The following SPAG9 variants were observed in gnomAD, a reference collection of about 807,000 sequenced individuals.
The protein encoded by SPAG9 is C-Jun-amino-terminal kinase-interacting protein 4.
In SPAG9, 35 loss-of-function variants were observed where a neutral mutation model predicts 166.5. The observed-to-expected ratio is 0.21, with a 90% CI of 0.16 to 0.28. The LOEUF (loss-of-function observed/expected upper bound fraction) is 0.28. SPAG9 is among the 10% of genes least tolerant of loss of function. The probability of loss-of-function intolerance (pLI) is 1.00; values close to 1 mark genes in which losing one functional copy is unlikely to be tolerated. For synonymous variants in SPAG9, 534 were observed against 565.5 expected, an observed-to-expected ratio of 0.94 and a Z score of 0.79; for missense variants, 1,235 against 1,603.3, an observed-to-expected ratio of 0.77 and a Z score of 3.92.
Position 50,964,587 on chromosome 17 carries a change from CA to C in SPAG9, c.*1684del, listed in dbSNP as rs373004587. The C allele has an allele frequency of 0.044, 7,725 of 176,776 alleles. 7 individuals are homozygous for C. Among genetic ancestry groups the C allele is most frequent in the South Asian group, 0.11 (2,321 of 21,564 alleles). 11.0% of individuals were successfully genotyped at this position (176,776 alleles called of 1,614,324 possible). A position where few individuals can be genotyped will look rare whatever the true frequency, so the allele number is the denominator to read the frequency against. ...TGGGCAACAGAGCCAGACTCCGTCT[CA>C]AAAAAAAAAAAAAAAATCATATTTA... On this transcript the variant is annotated 3_prime_UTR_variant, in exon 30 of 30. Transcript: ENST00000262013.
rs1329928963 is a variant in SPAG9, at chr17:50,995,192, A to G, written c.2091T>C (p.Gly697=). ...CAGAACCACCATCTCTGGTCTTCCC[A>G]CCAGATAAATTGACTCCAACAGCAC... The part of the protein sequence containing the change: ...LWCAVGVNLS[G]GKTRDGGSVV... Residue 697 remains glycine, a synonymous_variant, in exon 18 of 30, where the codon GGT becomes GGC. Coordinates refer to ENST00000262013, the MANE Select transcript of SPAG9 (RefSeq NM_001130528.3). 2 of 1,614,008 alleles carry G rather than the reference A, an allele frequency of 1.2e-6. No individual in the cohort carries two copies. The highest frequency in any genetic ancestry group is 2.2e-5 in the East Asian group (1 of 44,900).
At chr17:50,981,385 T>C (rs1402114941) in intron 25 of SPAG9, among the ~76,000 whole-genome samples, 1 of 146,944 alleles carries the variant, frequency 6.8e-6, no homozygotes, top group Non-Finnish European at 1.5e-5. Flanking sequence ...ATATTCAACC[T>C]GTGTGTGGAT....
intron 6 of SPAG9, among the ~76,000 whole-genome samples, chr17:51,030,367 C>T (rs1303336898): frequency 6.6e-6 from 1 of 152,154 alleles, no homozygotes; most frequent in Non-Finnish European, 1.5e-5. Flanking sequence ...CTAAGTTTGT[C>T]TCTTAGATTT....
chr17:51,113,111 T>C lies in SPAG9; in HGVS notation c.303+7243A>G, dbSNP rs1189438195. On this transcript the variant is annotated intron_variant, in intron 1 of 29. Coordinates refer to ENST00000262013, the MANE Select transcript of SPAG9 (RefSeq NM_001130528.3). ...GCTCACACCCATAATCCCAGCACTT[T>C]GGGAGGCCGAGGCCGGCGGATCACC... Among the ~76,000 whole-genome samples, 4 of 151,974 alleles carry C rather than the reference T, an allele frequency of 2.6e-5. 1 individual carries two copies. The highest frequency in any genetic ancestry group is 2.6e-4 in the Admixed American group (4 of 15,248).
chr17:51,032,725 C>T (rs983211717), intron 5 of SPAG9, among the ~76,000 whole-genome samples: 7 of 151,918 alleles, frequency 4.6e-5, no homozygotes, highest in Admixed American at 2.6e-4. Context: ...CACCTGAGGT[C>T]GGGAGTCCAA....
At chr17:50,987,519 CAAA>C (rs201762375) in intron 21 of SPAG9, among the ~76,000 whole-genome samples, 2 of 119,672 alleles carry the variant, frequency 1.7e-5, no homozygotes, top group Non-Finnish European at 1.8e-5. Flanking sequence ...AACTTTTAGT[CAAA>C]AAAAAAAAAA....
intron 12 of SPAG9, among the ~76,000 whole-genome samples, chr17:51,003,387 C>G (rs2045048893): frequency 6.6e-6 from 1 of 152,182 alleles, no homozygotes; most frequent in Non-Finnish European, 1.5e-5. Context: ...AATTCATGCT[C>G]TGTAACAATC....
chr17:51,076,122 GA>G (rs1281961360), intron 2 of SPAG9, among the ~76,000 whole-genome samples: 2 of 151,438 alleles, frequency 1.3e-5, no homozygotes, highest in Admixed American at 1.3e-4. Flanking sequence ...AAAAGAAAAA[GA>G]AAAAAAATTT....
intron 2 of SPAG9, among the ~76,000 whole-genome samples, chr17:51,069,114 ATAAT>A (rs2047750339): frequency 1.3e-5 from 2 of 152,074 alleles, no homozygotes; most frequent in South Asian, 4.1e-4. Context: ...AGCTTTCTAA[ATAAT>A]TAACTTGTCA....
At position 51,021,295 on chromosome 17, in the gene SPAG9, A is replaced by T; in HGVS notation, c.854T>A (p.Val285Glu). The T allele has an allele frequency of 6.2e-7, 1 of 1,614,096 alleles. No homozygotes were observed. The highest frequency in any genetic ancestry group is 8.5e-7 in the Non-Finnish European group (1 of 1,179,982). Residue 285 changes from valine (V) to glutamate (E), a missense_variant, in exon 7 of 30, where the codon GTG becomes GAG. Transcript: ENST00000262013. ...TTPASTANSD[V>E]ATIPTDTPLK... is the part of the protein sequence containing the mutation. ...GGGAGTATCAGTAGGAATTGTTGCC[A>T]CATCTGAATTAGCTGTTGATGCTGG...
intron 25 of SPAG9, among the ~76,000 whole-genome samples, chr17:50,981,011 A>G (rs965263897): frequency 2.0e-5 from 3 of 152,148 alleles, no homozygotes; most frequent in African/African-American, 7.2e-5. Flanking sequence ...CAAAACAAAC[A>G]AACAAAAATA....
intron 2 of SPAG9, among the ~76,000 whole-genome samples, chr17:51,075,748 T>C (rs971286862): frequency 7.2e-5 from 11 of 152,068 alleles, no homozygotes; most frequent in Non-Finnish European, 1.2e-4. Context: ...CACTTGAGCC[T>C]GGGAGTTCAA....
At chr17:50,991,973 CA>C (rs1975602569) in intron 19 of SPAG9, among the ~76,000 whole-genome samples, 1 of 135,484 alleles carries the variant, frequency 7.4e-6, no homozygotes, top group African/African-American at 3.0e-5. Flanking sequence ...GTCTTACTCC[CA>C]TTGCCCAGGT....
intron 1 of SPAG9, among the ~76,000 whole-genome samples, chr17:51,099,072 G>T (rs1227429475): frequency 2.1e-5 from 3 of 140,316 alleles, no homozygotes; most frequent in African/African-American, 8.1e-5. Context: ...TGCACTCCAG[G>T]CTGGGTGACA....
At chr17:51,119,318 C>T (rs1005358263) in intron 1 of SPAG9, among the ~76,000 whole-genome samples, 2 of 152,136 alleles carry the variant, frequency 1.3e-5, no homozygotes, top group African/African-American at 4.8e-5. Flanking sequence ...TTAGTTATTT[C>T]GCCTCCTTTG....
chr17:51,079,719 C>A lies in SPAG9; in HGVS notation c.304-15G>T, dbSNP rs1458476450. ...TCAATGAATTTCTAATAAAGAAGAA[C>A]AATATAAATTTAATCAGAGAAATTA... On this transcript the variant is annotated splice_polypyrimidine_tract_variant and intron_variant, in intron 1 of 29. Coordinates refer to ENST00000262013, the MANE Select transcript of SPAG9 (RefSeq NM_001130528.3). 1 of 1,478,922 alleles carries A rather than the reference C, an allele frequency of 6.8e-7. No homozygotes were observed. 91.6% of individuals were successfully genotyped at this position (1,478,922 alleles called of 1,614,324 possible).
Position 50,969,495 on chromosome 17 carries a change from A to G in SPAG9, c.3850+1212T>C, listed in dbSNP as rs184089402. On this transcript the variant is annotated intron_variant, in intron 29 of 29. Coordinates refer to ENST00000262013, the MANE Select transcript of SPAG9 (RefSeq NM_001130528.3). ...TCCCTAGGTCTAGTCTTGAACCTCCAGTCCATCCTTCACACAACTCTAATC... is the reference window on the plus strand; with the variant it reads ...TCCCTAGGTCTAGTCTTGAACCTCCGGTCCATCCTTCACACAACTCTAATC... Among the ~76,000 whole-genome samples, 6 of 152,188 alleles carry G rather than the reference A, an allele frequency of 3.9e-5. No individual in the cohort carries two copies. The East Asian group carries it at 1.2e-3, about 30-fold the overall frequency.
intron 15 of SPAG9, among the ~76,000 whole-genome samples, chr17:50,996,949 G>A (rs1216759900): frequency 2.6e-5 from 4 of 152,222 alleles, no homozygotes; most frequent in African/African-American, 9.6e-5. Context: ...AGAGCAGCCT[G>A]GCCAACATGG....
intron 6 of SPAG9, among the ~76,000 whole-genome samples, chr17:51,022,122 CAAA>C (rs747116014): frequency 4.1e-5 from 2 of 48,452 alleles, no homozygotes; most frequent in Admixed American, 2.4e-4. Context: ...GACTCCATCT[CAAA>C]AAAAAAAAAA....
Sources: gnomAD v4.1 joint callset for allele counts (sites outside exome capture counted in the v4.1 genomes callset) on GRCh38, gnomAD v4.1.1 for gene constraint, MANE v1.5 for transcripts, NCBI Gene and HGNC (gene_info 2026-07-23, HGNC 2026-07-21) for gene names.